The following FBXO42 variants were observed in gnomAD, a reference collection of about 807,000 sequenced individuals.
The protein encoded by FBXO42 is F-box only protein 42.
A neutral mutation model predicts 71.7 loss-of-function variants in FBXO42; 12 were observed. The observed-to-expected ratio is 0.17, with a 90% CI of 0.11 to 0.27. The LOEUF is 0.27. Among genes scored for constraint, FBXO42 ranks in the 10% least tolerant of loss-of-function variants. The pLI is 1.00. For synonymous variants in FBXO42, 325 were observed against 327.5 expected, an observed-to-expected ratio of 0.99 and a Z score of 0.08; for missense variants, 707 against 911.9, an observed-to-expected ratio of 0.78 and a Z score of 2.89.
At chr1:16,279,961 C>T (rs1219794869) in intron 4 of FBXO42, among the ~76,000 whole-genome samples, 5 of 151,550 alleles carry the variant, frequency 3.3e-5, no homozygotes, top group African/African-American at 1.2e-4. Flanking sequence ...ATTCTTGTGC[C>T]TCAGCCTCCT....
rs551478602 is a variant in FBXO42 at position 16,252,146 on chromosome 1, G to A, written c.1038+142C>T. On this transcript the variant is annotated intron_variant, in intron 9 of 9. Transcript: ENST00000375592. This position sits in a 1 kb window ranked among gnomAD's most constrained non-coding sequence, Gnocchi z 4.4. Reference sequence around the variant, plus strand: ...TCCCATTTAGTGAGAAATGCCAAAGGAGCTATGGCTAATGTTCACCTCTTT... The same window carrying A: ...TCCCATTTAGTGAGAAATGCCAAAGAAGCTATGGCTAATGTTCACCTCTTT... 7.9e-4 allele frequency: 549 copies of A among 698,106 alleles called. 2 individuals carry two copies. Among genetic ancestry groups the A allele is most frequent in the Non-Finnish European group, 1.3e-3 (510 of 402,316 alleles). 43.2% of individuals were successfully genotyped at this position (698,106 alleles called of 1,614,324 possible). A position where few individuals can be genotyped will look rare whatever the true frequency, so the allele number is the denominator to read the frequency against.
At chr1:16,295,727 G>T (rs372591339) in intron 3 of FBXO42, among the ~76,000 whole-genome samples, 3 of 152,080 alleles carry the variant, frequency 2.0e-5, no homozygotes, top group African/African-American at 7.2e-5. Flanking sequence ...ACAATGAAAT[G>T]ATTTTAATCA....
intron 2 of FBXO42, among the ~76,000 whole-genome samples, chr1:16,309,880 A>G (rs1383604668): frequency 6.6e-6 from 1 of 151,578 alleles, no homozygotes; most frequent in Non-Finnish European, 1.5e-5. Context: ...CTACTCTACT[A>G]AAAAAGGTTT....
chr1:16,293,208 C>A (rs2082097258), intron 4 of FBXO42: 1 of 152,192 alleles, frequency 6.6e-6, no homozygotes, highest in South Asian at 2.1e-4. Context: ...GCAACCTCCA[C>A]CTCCTGGGTT....
intron 1 of FBXO42, among the ~76,000 whole-genome samples, chr1:16,338,849 T>G (rs1243096537): frequency 6.9e-6 from 1 of 144,478 alleles, no homozygotes; most frequent in African/African-American, 2.5e-5. Flanking sequence ...TTCGCCCTTT[T>G]CCCCAGGCTG....
At chr1:16,277,484 G>C (rs905423930) in intron 4 of FBXO42, among the ~76,000 whole-genome samples, 1 of 151,526 alleles carries the variant, frequency 6.6e-6, no homozygotes, top group African/African-American at 2.4e-5. Flanking sequence ...CAGCATTTTG[G>C]GGGGCCGAGG....
chr1:16,329,448 G>C (rs2082477536), intron 1 of FBXO42, among the ~76,000 whole-genome samples: 1 of 151,966 alleles, frequency 6.6e-6, no homozygotes, highest in African/African-American at 2.4e-5. Flanking sequence ...GCCAGGCGTG[G>C]CGGTGTGCGC....
rs1290547068 is a variant in FBXO42 at position 16,313,323 on chromosome 1, AC to A, written c.250+1845del. Among the ~76,000 whole-genome samples the A allele has an allele frequency of 1.7e-3, 184 of 107,706 alleles. 1 individual carries two copies. The highest frequency in any genetic ancestry group is 5.8e-3 in the African/African-American group (177 of 30,460). The allele number at this position is 107,706 out of a possible 152,430, so 70.7% of individuals were successfully genotyped here. A position where few individuals can be genotyped will look rare whatever the true frequency, so the allele number is the denominator to read the frequency against. On this transcript the variant is annotated intron_variant, in intron 2 of 9. Coordinates refer to ENST00000375592, the MANE Select transcript of FBXO42 (RefSeq NM_018994.3). Reference sequence around the variant, plus strand: ...GAGAAAGAAAGAAAGAGAAAAGAAAACAAAGAAAGAAAGAAAGAAAGAAAGA... The same window carrying A: ...GAGAAAGAAAGAAAGAGAAAAGAAAAAAAGAAAGAAAGAAAGAAAGAAAGA...
At chr1:16,285,921 G>A (rs1013901118) in intron 4 of FBXO42, among the ~76,000 whole-genome samples, 1 of 152,074 alleles carries the variant, frequency 6.6e-6, no homozygotes, top group African/African-American at 2.4e-5. Context: ...AGACTGCAGT[G>A]CAGTAGCGCA....
intron 3 of FBXO42, among the ~76,000 whole-genome samples, chr1:16,302,088 TAATA>T (rs750339116): frequency 6.6e-6 from 1 of 152,082 alleles, no homozygotes; most frequent in Non-Finnish European, 1.5e-5. Flanking sequence ...AGACAGATGG[TAATA>T]AATAATGGAG....
chr1:16,310,221 C>T (rs903221525), intron 2 of FBXO42, among the ~76,000 whole-genome samples: 26 of 148,476 alleles, frequency 1.8e-4, no homozygotes, highest in African/African-American at 6.2e-4. Flanking sequence ...ATTAGCCGGG[C>T]GTAGTAGCAT....
At chr1:16,337,652 G>A (rs963636527) in intron 1 of FBXO42, among the ~76,000 whole-genome samples, 4 of 151,420 alleles carry the variant, frequency 2.6e-5, no homozygotes, top group African/African-American at 7.3e-5. Context: ...GGAGGCCAAG[G>A]TGGGCGGATC....
At chr1:16,325,077 A>C (rs1268258136) in intron 1 of FBXO42, among the ~76,000 whole-genome samples, 1 of 152,078 alleles carries the variant, frequency 6.6e-6, no homozygotes, top group Non-Finnish European at 1.5e-5. Flanking sequence ...GTCTCTATAA[A>C]AAATACACAA....
chr1:16,320,911 G>A (rs2100588162), intron 1 of FBXO42, among the ~76,000 whole-genome samples: 1 of 152,206 alleles, frequency 6.6e-6, no homozygotes, highest in Middle Eastern at 3.4e-3. Flanking sequence ...CTGCATGGTT[G>A]ACATTTAAAT....
chr1:16,310,037 T>C (rs184890179), intron 2 of FBXO42, among the ~76,000 whole-genome samples: 2 of 151,262 alleles, frequency 1.3e-5, no homozygotes, highest in East Asian at 2.0e-4. Flanking sequence ...CTACTAAAAA[T>C]AGAAAAAATT....
intron 1 of FBXO42, among the ~76,000 whole-genome samples, chr1:16,317,633 C>T (rs548214274): frequency 6.6e-6 from 1 of 151,756 alleles, no homozygotes; most frequent in South Asian, 2.1e-4. Flanking sequence ...AAACAGAAGA[C>T]AGAAGAATGG....
At chr1:16,340,748 G>A (rs568833399) in intron 1 of FBXO42, among the ~76,000 whole-genome samples, 22 of 152,124 alleles carry the variant, frequency 1.4e-4, no homozygotes, top group African/African-American at 4.8e-4. Flanking sequence ...CTTAAAATAC[G>A]GTTAATAAAA....
At chr1:16,262,254 C>T (rs1423054269) in intron 4 of FBXO42, among the ~76,000 whole-genome samples, 1 of 152,108 alleles carries the variant, frequency 6.6e-6, no homozygotes, top group Non-Finnish European at 1.5e-5. Flanking sequence ...AACTCCTGAG[C>T]TCAAGCATTC....
chr1:16,251,024 G>T lies in FBXO42; in HGVS notation c.1800C>A (p.Pro600=). 1 of 1,614,210 alleles carries T rather than the reference G, an allele frequency of 6.2e-7. No individual in the cohort carries two copies. Among genetic ancestry groups the T allele is most frequent in the Non-Finnish European group, 8.5e-7 (1 of 1,180,026 alleles). Residue 600 remains proline (P), a synonymous_variant, in exon 10 of 10, where the codon CCC becomes CCA. Coordinates refer to ENST00000375592, the MANE Select transcript of FBXO42 (RefSeq NM_018994.3). This position sits in a 1 kb window ranked among gnomAD's most constrained non-coding sequence, Gnocchi z 4.5. The part of the protein sequence containing the change: ...SQSLSSGETV[P]IPRPGPAQGD... The stretch of plus-strand genomic sequence containing the variant: ...CTTGGGCAGGCCCTGGGCGAGGGAT[G>T]GGCACTGTTTCTCCACTGCTCAAAC...
Sources: allele counts gnomAD v4.1 joint callset (sites outside exome capture counted in the v4.1 genomes callset), GRCh38; gene constraint gnomAD v4.1.1; non-coding constraint Gnocchi (gnomAD v3.1); transcripts MANE v1.5; gene names NCBI Gene and HGNC (gene_info 2026-07-23, HGNC 2026-07-21).